The following PTPRD variants were observed in gnomAD, a reference collection of about 807,000 sequenced individuals.
PTPRD encodes receptor-type tyrosine-protein phosphatase delta.
A neutral mutation model predicts 214.5 loss-of-function variants in PTPRD; 34 were observed. The observed-to-expected ratio is 0.16, with a 90% CI of 0.12 to 0.21. The LOEUF (loss-of-function observed/expected upper bound fraction) is 0.21, where lower values mean the gene tolerates loss of function less well. PTPRD is among the 10% of genes least tolerant of loss of function. The pLI is 1.00. For missense variants in PTPRD, 2,545 were observed against 2,398.7 expected, an observed-to-expected ratio of 1.06 and a Z score of -1.27; for synonymous variants, 1,128 against 845.7, an observed-to-expected ratio of 1.33 and a Z score of -5.79.
intron 2 of PTPRD, among the ~76,000 whole-genome samples, chr9:10,352,682 C>T (rs2154459197): frequency 6.6e-6 from 1 of 152,118 alleles, no homozygotes; most frequent in South Asian, 2.1e-4. Flanking sequence ...ACAAGCCTTT[C>T]TTACTATCTA....
chr9:10,508,758 C>T (rs1171409161), intron 2 of PTPRD, among the ~76,000 whole-genome samples: 1 of 151,694 alleles, frequency 6.6e-6, no homozygotes, highest in Non-Finnish European at 1.5e-5. Context: ...AACACTTGGA[C>T]ACAGGAAGGG....
At chr9:9,766,659 G>C (rs923018517) in intron 6 of PTPRD, among the ~76,000 whole-genome samples, 151 bp downstream of exon 6, 1 of 152,006 alleles carries the variant, frequency 6.6e-6, no homozygotes, top group African/African-American at 2.4e-5. Context: ...TTCTAATTCT[G>C]ATGTTTTCTC....
intron 37 of PTPRD, among the ~76,000 whole-genome samples, chr9:8,383,218 A>G (rs1589166609): frequency 1.5e-5 from 2 of 134,194 alleles, no homozygotes; most frequent in Admixed American, 1.4e-4. Context: ...CCTTTTAGCC[A>G]TAGAACAAAA....
intron 8 of PTPRD, among the ~76,000 whole-genome samples, chr9:9,484,637 C>G (rs1214358709): frequency 6.6e-6 from 1 of 152,010 alleles, no homozygotes; most frequent in Admixed American, 6.6e-5. Flanking sequence ...TTCATTTAAT[C>G]CTTGCAACAA....
intron 11 of PTPRD, among the ~76,000 whole-genome samples, chr9:8,934,494 A>AATATATATATATAAATATAT (rs1420703537): frequency 6.7e-4 from 5 of 7,430 alleles, no homozygotes; most frequent in African/African-American, 2.0e-3. Context: ...TATATATATA[A>AATATATATATATAAATATAT]ATATATATAT....
At chr9:8,318,189 C>A (rs952794368) in intron 45 of PTPRD, among the ~76,000 whole-genome samples, 2 of 151,828 alleles carry the variant, frequency 1.3e-5, no homozygotes, top group Non-Finnish European at 2.9e-5. Flanking sequence ...AGTGGCAGGT[C>A]GAGTGAACAT....
chr9:9,604,388 G>T (rs1414756349), intron 7 of PTPRD, among the ~76,000 whole-genome samples: 2 of 151,916 alleles, frequency 1.3e-5, no homozygotes, highest in Non-Finnish European at 2.9e-5. Context: ...GAAATATTTG[G>T]CCTTTGTAAT....
chr9:8,776,678 T>C (rs2095490171), intron 11 of PTPRD, among the ~76,000 whole-genome samples: 1 of 151,770 alleles, frequency 6.6e-6, no homozygotes, highest in Non-Finnish European at 1.5e-5. Flanking sequence ...GTATGAGTGA[T>C]AGCCACAAAA....
intron 8 of PTPRD, among the ~76,000 whole-genome samples, chr9:9,495,797 T>A (rs919702932): frequency 6.6e-6 from 1 of 152,236 alleles, no homozygotes; most frequent in Non-Finnish European, 1.5e-5. Flanking sequence ...GTTGTCACAC[T>A]GACCCTTTGC....
At chr9:9,102,500 A>G (rs1336486311) in intron 10 of PTPRD, among the ~76,000 whole-genome samples, 1 of 152,212 alleles carries the variant, frequency 6.6e-6, no homozygotes, top group African/African-American at 2.4e-5. Flanking sequence ...TTTGGCGTTC[A>G]GAAGCATGTA....
intron 4 of PTPRD, among the ~76,000 whole-genome samples, chr9:9,974,780 G>A (rs1173190514): frequency 6.6e-6 from 1 of 152,032 alleles, no homozygotes; most frequent in Non-Finnish European, 1.5e-5. Context: ...TTACCTATTG[G>A]TTGACATAGG....
At chr9:10,093,811 T>C (rs1177688269) in intron 3 of PTPRD, among the ~76,000 whole-genome samples, 4 of 151,404 alleles carry the variant, frequency 2.6e-5, no homozygotes, top group African/African-American at 9.7e-5. Flanking sequence ...TGGAGACCAT[T>C]ACCATAAGCA....
intron 3 of PTPRD, among the ~76,000 whole-genome samples, chr9:10,039,733 T>C (rs182655960): frequency 1.3e-5 from 2 of 152,028 alleles, no homozygotes; most frequent in Non-Finnish European, 2.9e-5. Flanking sequence ...TTTTTTTTAT[T>C]ATTCTGCTTT....
intron 11 of PTPRD, among the ~76,000 whole-genome samples, chr9:8,760,594 C>G (rs2094349309): frequency 6.8e-6 from 1 of 147,342 alleles, no homozygotes; most frequent in Admixed American, 6.8e-5. Flanking sequence ...CTCCCTCTCT[C>G]TGTCTGTGTG....
intron 12 of PTPRD, among the ~76,000 whole-genome samples, chr9:8,721,997 A>G (rs189072458): frequency 2.4e-3 from 359 of 152,350 alleles, no homozygotes; most frequent in African/African-American, 8.2e-3. Flanking sequence ...CTCAATGTTG[A>G]GAGACCACTG....
intron 3 of PTPRD, among the ~76,000 whole-genome samples, chr9:10,310,856 A>G (rs2096248772): frequency 6.6e-6 from 1 of 152,048 alleles, no homozygotes; most frequent in Admixed American, 6.6e-5. Context: ...TTTCATTAAT[A>G]TGTTGTTACT....
chr9:9,175,610 G>A (rs1231498516), intron 10 of PTPRD, among the ~76,000 whole-genome samples: 13 of 117,780 alleles, frequency 1.1e-4, no homozygotes, highest in African/African-American at 4.1e-4. Flanking sequence ...GCAACAGAGT[G>A]AGACTCTGTC....
intron 10 of PTPRD, among the ~76,000 whole-genome samples, chr9:9,106,868 A>G (rs1321417526): frequency 6.6e-6 from 1 of 152,124 alleles, no homozygotes; most frequent in African/African-American, 2.4e-5. Context: ...ATACCTCAGC[A>G]TAGACAGTGT....
intron 14 of PTPRD, among the ~76,000 whole-genome samples, chr9:8,557,779 TACACACACAC>T (rs373363751): frequency 1.9e-4 from 20 of 103,912 alleles, no homozygotes; most frequent in Non-Finnish European, 3.5e-4. Flanking sequence ...AAAAACAAAA[TACACACACAC>T]ACACACACAC....
Sources: allele counts gnomAD v4.1 joint callset (sites outside exome capture counted in the v4.1 genomes callset), GRCh38; gene constraint gnomAD v4.1.1; transcripts MANE v1.5; gene names NCBI Gene and HGNC (gene_info 2026-07-23, HGNC 2026-07-21).